Variants in AGBL4 observed in about 807,000 individuals in gnomAD.
AGBL4 encodes the protein cytosolic carboxypeptidase 6.
In AGBL4, 58 loss-of-function variants were observed where a neutral mutation model predicts 66.4. The ratio of observed to expected loss-of-function variants is 0.87; its 90% CI spans 0.71 to 1.09. AGBL4 has a LOEUF of 1.09. Among genes scored for constraint, AGBL4 ranks in the 50% least tolerant of loss-of-function variants. The pLI is 0.00. For missense variants in AGBL4, 579 were observed against 631.0 expected (o/e 0.92, Z 0.88); for synonymous variants, 234 against 222.9 (o/e 1.05, Z -0.44).
intron 3 of AGBL4, among the ~76,000 whole-genome samples, chr1:49,316,277 A>G (rs777126856): frequency 7.3e-5 from 11 of 151,232 alleles, no homozygotes; most frequent in Admixed American, 2.6e-4. Context: ...TTTAATAACA[A>G]TGTATGAATA....
intron 3 of AGBL4, among the ~76,000 whole-genome samples, chr1:49,297,598 G>A (rs535111435): frequency 7.9e-5 from 12 of 152,282 alleles, no homozygotes; most frequent in African/African-American, 1.9e-4. Context: ...TTGGTTTCTC[G>A]CATTTAGTAG....
chr1:48,739,072 A>G (rs1649508840), intron 6 of AGBL4, among the ~76,000 whole-genome samples: 1 of 152,198 alleles, frequency 6.6e-6, no homozygotes, highest in South Asian at 2.1e-4. Context: ...GATCAAAGAC[A>G]GCAGACCTAA....
At chr1:48,560,661 T>C (rs758376521) in intron 11 of AGBL4, among the ~76,000 whole-genome samples, 2 of 152,180 alleles carry the variant, frequency 1.3e-5, no homozygotes, top group Non-Finnish European at 2.9e-5. Flanking sequence ...AGTCCCAGCT[T>C]TGCCACTGGT....
chr1:49,800,377 T>TA (rs1644830304), intron 2 of AGBL4, among the ~76,000 whole-genome samples: 1 of 150,990 alleles, frequency 6.6e-6, no homozygotes, highest in Non-Finnish European at 1.5e-5. Flanking sequence ...TCTTTTTTTT[T>TA]ATTATACTTT....
At position 49,912,751 on chromosome 1, in the gene AGBL4, C is replaced by T. The variant is rs1173090597; in HGVS notation, c.35-61233G>A. Reference sequence around the variant, plus strand: ...AGGTAGTTTATAAGAAAAAAAAACACCTTATTTGGCTCAACAGTTCTGTAG... The same window carrying T: ...AGGTAGTTTATAAGAAAAAAAAACATCTTATTTGGCTCAACAGTTCTGTAG... On this transcript the variant is annotated intron_variant, in intron 1 of 13. Transcript: ENST00000371839. Among the ~76,000 whole-genome samples the T allele has an allele frequency of 2.6e-5, 4 of 152,094 alleles. No homozygotes were observed. The East Asian group carries it at 7.7e-4, about 29-fold the overall frequency.
intron 3 of AGBL4, among the ~76,000 whole-genome samples, chr1:49,663,463 G>A (rs1646307778): frequency 6.6e-6 from 1 of 152,120 alleles, no homozygotes; most frequent in Non-Finnish European, 1.5e-5. Context: ...TTTGCAATAT[G>A]AGACTATGAA....
intron 6 of AGBL4, among the ~76,000 whole-genome samples, chr1:48,708,080 A>G (rs1426311964): frequency 6.6e-6 from 1 of 152,160 alleles, no homozygotes; most frequent in Non-Finnish European, 1.5e-5. Flanking sequence ...AGGTGAAAGG[A>G]TTTTCCAAGG....
chr1:49,451,578 C>A (rs1646278370), intron 3 of AGBL4, among the ~76,000 whole-genome samples: 2 of 151,976 alleles, frequency 1.3e-5, no homozygotes, highest in Non-Finnish European at 2.9e-5. Context: ...TCACCTCAGG[C>A]ACATCTGCCT....
intron 3 of AGBL4, among the ~76,000 whole-genome samples, chr1:49,605,537 A>G (rs1384959357): frequency 6.6e-6 from 1 of 152,178 alleles, no homozygotes; most frequent in Non-Finnish European, 1.5e-5. Context: ...TATTAAGGTA[A>G]AACATGTATT....
At chr1:49,550,714 C>T (rs1237920482) in intron 3 of AGBL4, among the ~76,000 whole-genome samples, 2 of 152,180 alleles carry the variant, frequency 1.3e-5, no homozygotes, top group African/African-American at 4.8e-5. Context: ...CCTAGTGCTT[C>T]TGTCTCACAG....
At chr1:49,176,407 G>A (rs1646832305) in intron 4 of AGBL4, among the ~76,000 whole-genome samples, 1 of 152,152 alleles carries the variant, frequency 6.6e-6, no homozygotes, top group Admixed American at 6.5e-5. Context: ...TGCATATTTA[G>A]TCATGGGTAC....
At chr1:49,772,722 T>C (rs1316139307) in intron 2 of AGBL4, among the ~76,000 whole-genome samples, 2 of 152,206 alleles carry the variant, frequency 1.3e-5, no homozygotes, top group Non-Finnish European at 2.9e-5. Context: ...CTGCTGACAA[T>C]CTAATGAGGA....
chr1:49,831,200 G>GT (rs1350587883), intron 2 of AGBL4, among the ~76,000 whole-genome samples: 2 of 152,204 alleles, frequency 1.3e-5, no homozygotes, highest in African/African-American at 4.8e-5. Context: ...ACTTTGGGCA[G>GT]TATGGCCATT....
intron 2 of AGBL4, among the ~76,000 whole-genome samples, 178 bp from the exon 3 acceptor site, chr1:49,697,615 T>C (rs1647012089): frequency 6.6e-6 from 1 of 152,132 alleles, no homozygotes; most frequent in African/African-American, 2.4e-5. Flanking sequence ...TAAGAAAAGC[T>C]TTCATCTAGG....
chr1:49,097,735 C>T (rs1311795007), intron 4 of AGBL4, among the ~76,000 whole-genome samples: 1 of 152,206 alleles, frequency 6.6e-6, no homozygotes. Flanking sequence ...CGTGCACCAC[C>T]ACATCTGGCT....
chr1:49,603,535 TAAA>T (rs1169744480), intron 3 of AGBL4, among the ~76,000 whole-genome samples: 1 of 114,608 alleles, frequency 8.7e-6, no homozygotes, highest in Non-Finnish European at 2.1e-5. Flanking sequence ...AAAAAATAAA[TAAA>T]TAAATAAATA....
At chr1:48,654,773 A>G (rs1279330242) in intron 7 of AGBL4, among the ~76,000 whole-genome samples, 1 of 152,246 alleles carries the variant, frequency 6.6e-6, no homozygotes, top group Non-Finnish European at 1.5e-5. Flanking sequence ...CAGACTTTTC[A>G]TTAGGCCAGG....
At chr1:48,952,353 G>C (rs1231905416) in intron 5 of AGBL4, among the ~76,000 whole-genome samples, 1 of 152,150 alleles carries the variant, frequency 6.6e-6, no homozygotes, top group Non-Finnish European at 1.5e-5. Context: ...GAAAATCAAA[G>C]AATGGAGAGA....
chr1:48,551,696 T>C (rs1644251157), intron 11 of AGBL4, among the ~76,000 whole-genome samples: 1 of 152,122 alleles, frequency 6.6e-6, no homozygotes, highest in South Asian at 2.1e-4. Context: ...GTAGGTTTCT[T>C]CCATGCTGTG....
Sources: gnomAD v4.1 joint callset for allele counts (sites outside exome capture counted in the v4.1 genomes callset) on GRCh38, gnomAD v4.1.1 for gene constraint, MANE v1.5 for transcripts, NCBI Gene and HGNC (gene_info 2026-07-23, HGNC 2026-07-21) for gene names.